SEMA6D: variants seen among roughly 807,000 people sequenced by gnomAD.
SEMA6D encodes semaphorin-6D.
A neutral mutation model predicts 106.6 loss-of-function variants in SEMA6D; 35 were observed. The ratio of observed to expected loss-of-function variants is 0.33; its 90% CI spans 0.25 to 0.44. SEMA6D has a LOEUF of 0.44. Ranked by LOEUF, SEMA6D falls within the 20% of genes least tolerant of loss-of-function variation. The pLI is 1.00. For missense variants in SEMA6D, 1,185 were observed against 1,345.9 expected, an observed-to-expected ratio of 0.88 and a Z score of 1.87; for synonymous variants, 499 against 487.7, an observed-to-expected ratio of 1.02 and a Z score of -0.31.
chr15:47,275,904 C>A (rs879208374), intron 1 of SEMA6D, among the ~76,000 whole-genome samples: 3 of 152,088 alleles, frequency 2.0e-5, no homozygotes, highest in Admixed American at 6.6e-5. Context: ...AGGAAAAATT[C>A]TTGAAGAAAA....
At chr15:47,195,848 A>G (rs1443030026) in intron 1 of SEMA6D, among the ~76,000 whole-genome samples, 2 of 152,110 alleles carry the variant, frequency 1.3e-5, no homozygotes, top group Non-Finnish European at 2.9e-5. Flanking sequence ...TGAGACCCCC[A>G]TTAACTGGAT....
chr15:47,349,429 T>A lies in SEMA6D; in HGVS notation c.-238-62964T>A, dbSNP rs562346257. On this transcript the variant is annotated intron_variant, in intron 1 of 19. Transcript: ENST00000558014. ...TCTGGTTAAGCCCAGAGAAGAGACA[T>A]TCGCAGATGTGGGCCCCACCACCAA... 1.3e-4 allele frequency among the ~76,000 whole-genome samples: 20 copies of A among 152,264 alleles called. No homozygotes were observed. In the South Asian group the frequency reaches 4.1e-3, roughly 32 times the overall value.
intron 1 of SEMA6D, among the ~76,000 whole-genome samples, chr15:47,355,516 GAA>G (rs2038530904): frequency 6.6e-6 from 1 of 152,140 alleles, no homozygotes; most frequent in Non-Finnish European, 1.5e-5. Flanking sequence ...GTGAGAAAGA[GAA>G]AGAGAGAGAC....
At chr15:47,580,522 A>G (rs1476298242) in intron 3 of SEMA6D, among the ~76,000 whole-genome samples, 1 of 152,076 alleles carries the variant, frequency 6.6e-6, no homozygotes, top group African/African-American at 2.4e-5. Flanking sequence ...TTCTTATTCT[A>G]TTACCTCTCA....
At chr15:47,624,054 C>T (rs927035736) in intron 4 of SEMA6D, among the ~76,000 whole-genome samples, 1 of 152,180 alleles carries the variant, frequency 6.6e-6, no homozygotes, top group African/African-American at 2.4e-5. Context: ...ACCAGTTCTC[C>T]TGATCCCCCT....
chr15:47,516,681 C>T (rs2044399337), intron 3 of SEMA6D, among the ~76,000 whole-genome samples: 1 of 152,064 alleles, frequency 6.6e-6, no homozygotes, highest in Non-Finnish European at 1.5e-5. Context: ...GTAGTGTGCC[C>T]TCAGCTGCAG....
chr15:47,419,730 A>G (rs1165392553), intron 2 of SEMA6D, among the ~76,000 whole-genome samples: 1 of 152,190 alleles, frequency 6.6e-6, no homozygotes, highest in African/African-American at 2.4e-5. Context: ...AGAAGTTTCC[A>G]TAGGAAGTAG....
chr15:47,561,639 T>C (rs1038377776), intron 3 of SEMA6D, among the ~76,000 whole-genome samples: 1 of 151,206 alleles, frequency 6.6e-6, no homozygotes, highest in South Asian at 2.1e-4. Context: ...TCTATAAATG[T>C]GTTTTTCAAT....
intron 1 of SEMA6D, among the ~76,000 whole-genome samples, chr15:47,306,010 T>G (rs1232298504): frequency 6.6e-6 from 1 of 151,820 alleles, no homozygotes; most frequent in South Asian, 2.1e-4. Flanking sequence ...TGAGATGGAG[T>G]CTTGCTCCGT....
chr15:47,304,556 G>A (rs11638018), intron 1 of SEMA6D, among the ~76,000 whole-genome samples: 65,979 of 150,926 alleles, frequency 0.44, 16,669 homozygotes, highest in Non-Finnish European at 0.56. Context: ...AAGCACTTTA[G>A]TATTGGTAAA....
At position 47,431,481 on chromosome 15, in the gene SEMA6D, C is replaced by G. The variant is rs578142925; in HGVS notation, c.-159+19009C>G. On this transcript the variant is annotated intron_variant, in intron 2 of 19. Coordinates refer to the SEMA6D transcript ENST00000558014. ...TATGAACATAATTTTCTCTCTGTAA[C>G]TCTTCCCACTATTCAACAAACCTAC... is the stretch of plus-strand genomic sequence containing the variant. Among the ~76,000 whole-genome samples, 13 of 152,180 alleles carry G rather than the reference C, an allele frequency of 8.5e-5. 1 individual carries two copies. The highest frequency in any genetic ancestry group is 3.1e-4 in the African/African-American group (13 of 41,556).
chr15:47,353,319 G>C (rs1253664110), intron 1 of SEMA6D, among the ~76,000 whole-genome samples: 2 of 152,090 alleles, frequency 1.3e-5, no homozygotes, highest in African/African-American at 4.8e-5. Context: ...AATTCATAAT[G>C]AGAGCAAATT....
intron 3 of SEMA6D, among the ~76,000 whole-genome samples, chr15:47,544,196 C>T (rs961542196): frequency 6.6e-6 from 1 of 151,950 alleles, no homozygotes; most frequent in Non-Finnish European, 1.5e-5. Flanking sequence ...TTAGACTTTC[C>T]TATGGTGGAT....
At chr15:47,673,049 C>T (rs962743171) in intron 4 of SEMA6D, among the ~76,000 whole-genome samples, 1 of 152,018 alleles carries the variant, frequency 6.6e-6, no homozygotes, top group East Asian at 1.9e-4. Flanking sequence ...GGACCATTTT[C>T]GTGGGTTTCA....
chr15:47,232,475 G>A (rs2032265790), intron 1 of SEMA6D, among the ~76,000 whole-genome samples: 1 of 151,522 alleles, frequency 6.6e-6, no homozygotes, highest in Non-Finnish European at 1.5e-5. Flanking sequence ...AAGGTGTGAG[G>A]CCTGGAATTT....
chr15:47,491,117 G>T (rs1874757168), intron 3 of SEMA6D, among the ~76,000 whole-genome samples: 1 of 152,132 alleles, frequency 6.6e-6, no homozygotes, highest in African/African-American at 2.4e-5. Flanking sequence ...CATATAAGTA[G>T]AAACACTTGC....
chr15:47,333,127 G>C (rs1352065475), intron 1 of SEMA6D, among the ~76,000 whole-genome samples: 1 of 152,162 alleles, frequency 6.6e-6, no homozygotes, highest in Admixed American at 6.6e-5. Flanking sequence ...GTGAAAGAGT[G>C]AGTTTGGCCA....
At chr15:47,233,207 C>G (rs1048714095) in intron 1 of SEMA6D, among the ~76,000 whole-genome samples, 130 of 152,032 alleles carry the variant, frequency 8.6e-4, no homozygotes, top group Middle Eastern at 3.4e-3. Context: ...ACTATTCTTT[C>G]TCAATTAAGT....
chr15:47,764,806 G>A lies in SEMA6D; in HGVS notation c.1253+13G>A, dbSNP rs748875452. 3.1e-6 allele frequency: 5 copies of A among 1,613,814 alleles called. No individual in the cohort carries two copies. The highest frequency in any genetic ancestry group is 4.2e-6 in the Non-Finnish European group (5 of 1,179,832). On this transcript the variant is annotated intron_variant, in intron 12 of 18. Transcript: ENST00000536845. ...AGACTCGGGTCAGGTGAGATTGTGTGTGAAACACTCCTTCCTATTCAACGT... is the reference window on the plus strand; with the variant it reads ...AGACTCGGGTCAGGTGAGATTGTGTATGAAACACTCCTTCCTATTCAACGT...
Sources: gnomAD v4.1 joint callset for allele counts (sites outside exome capture counted in the v4.1 genomes callset) on GRCh38, gnomAD v4.1.1 for gene constraint, MANE v1.5 for transcripts, NCBI Gene and HGNC (gene_info 2026-07-23, HGNC 2026-07-21) for gene names.